Variants in THADA observed in about 807,000 individuals in gnomAD.
THADA encodes tRNA (32-2'-O)-methyltransferase regulator THADA.
A neutral mutation model predicts 219.8 loss-of-function variants in THADA; 213 were observed. The observed-to-expected ratio is 0.97, with a 90% CI of 0.87 to 1.09. The LOEUF is 1.09. THADA is among the 50% of genes least tolerant of loss of function. The pLI is 0.00. For synonymous variants in THADA, 1,018 were observed against 828.9 expected, an observed-to-expected ratio of 1.23 and a Z score of -3.92; for missense variants, 2,956 against 2,311.3, an observed-to-expected ratio of 1.28 and a Z score of -5.72.
chr2:43,357,964 A>G (rs979267554), intron 29 of THADA, among the ~76,000 whole-genome samples: 9 of 152,134 alleles, frequency 5.9e-5, no homozygotes, highest in Admixed American at 3.9e-4. Flanking sequence ...TAGTCAGTGT[A>G]CCTTTCACTC....
intron 26 of THADA, among the ~76,000 whole-genome samples, chr2:43,472,084 T>C (rs902160027): frequency 8.5e-5 from 13 of 152,142 alleles, no homozygotes; most frequent in South Asian, 2.1e-4. Flanking sequence ...TTAACAGGGA[T>C]TGGGGGAAGA....
chr2:43,409,038 T>TC (rs1406244730), intron 28 of THADA, among the ~76,000 whole-genome samples: 2 of 152,156 alleles, frequency 1.3e-5, no homozygotes, highest in Non-Finnish European at 2.9e-5. Flanking sequence ...CTACAACCAC[T>TC]CCAACTCCTT....
chr2:43,239,147 C>T (rs1297052239), intron 36 of THADA, among the ~76,000 whole-genome samples: 2 of 152,172 alleles, frequency 1.3e-5, no homozygotes, highest in East Asian at 3.8e-4. Context: ...AATCTGGTGC[C>T]TTCCATCCTT....
intron 13 of THADA, 123 bp from the exon 14 acceptor site, chr2:43,570,633 T>A: frequency 1.0e-6 from 1 of 992,416 alleles, no homozygotes; most frequent in Non-Finnish European, 1.4e-6. Flanking sequence ...AAGCTCTTAA[T>A]ATTTTATAAT....
At chr2:43,587,392 A>T (rs980897372) in intron 4 of THADA, among the ~76,000 whole-genome samples, 1 of 151,702 alleles carries the variant, frequency 6.6e-6, no homozygotes, top group African/African-American at 2.4e-5. Context: ...ATCTTTATTT[A>T]TTTTTTTTCT....
intron 36 of THADA, among the ~76,000 whole-genome samples, chr2:43,267,022 T>C (rs966204704): frequency 1.3e-5 from 2 of 152,202 alleles, no homozygotes; most frequent in Non-Finnish European, 2.9e-5. Context: ...GCTATCTTTC[T>C]AGTAAATTCT....
intron 22 of THADA, among the ~76,000 whole-genome samples, chr2:43,527,084 C>CA (rs1268293300): frequency 3.3e-5 from 5 of 151,874 alleles, no homozygotes; most frequent in African/African-American, 1.2e-4. Context: ...TTTTACCAGG[C>CA]ATGTGAAAAA....
intron 31 of THADA, among the ~76,000 whole-genome samples, chr2:43,303,679 G>C (rs1051334628): frequency 3.4e-5 from 5 of 145,614 alleles, no homozygotes; most frequent in Non-Finnish European, 7.4e-5. Flanking sequence ...TATGGATACA[G>C]TGAAGTTACA....
At chr2:43,574,230 T>C in intron 11 of THADA, 106 bp downstream of exon 11, 1 of 792,562 alleles carries the variant, frequency 1.3e-6, no homozygotes, top group Non-Finnish European at 1.9e-6. Flanking sequence ...TCCTTTACTA[T>C]TTATAGAAGT....
intron 31 of THADA, among the ~76,000 whole-genome samples, chr2:43,312,706 C>A (rs1321827939): frequency 1.4e-5 from 2 of 147,370 alleles, no homozygotes; most frequent in African/African-American, 5.0e-5. Flanking sequence ...AATTTATTGA[C>A]AACAAAGCCT....
intron 30 of THADA, among the ~76,000 whole-genome samples, chr2:43,334,138 C>G (rs1010390059): frequency 2.6e-5 from 4 of 152,196 alleles, no homozygotes; most frequent in Admixed American, 6.5e-5. Flanking sequence ...ATCCACAGGC[C>G]CTTCAGGAGC....
chr2:43,320,917 GA>G (rs200485877), intron 30 of THADA, among the ~76,000 whole-genome samples: 2,790 of 151,800 alleles, frequency 0.018, 24 homozygotes, highest in African/African-American at 0.025. Flanking sequence ...AAATTTGGGG[GA>G]AAAAAAATCA....
chr2:43,437,702 G>A (rs1412475785), intron 26 of THADA, among the ~76,000 whole-genome samples: 2 of 152,168 alleles, frequency 1.3e-5, no homozygotes, highest in African/African-American at 2.4e-5. Context: ...AGCACTGACT[G>A]CCTTTTGTTC....
rs146741525 is a variant in THADA, at chr2:43,528,049, A to G, written c.3265-61T>C. The stretch of plus-strand genomic sequence containing the variant: ...TGTTTACATTCGCAAGTGTATTTAT[A>G]TCAGTAACACTGTTTAGAACCCAGG... On this transcript the variant is annotated intron_variant, in intron 21 of 37. Coordinates refer to ENST00000405975, the MANE Select transcript of THADA (RefSeq NM_022065.5). 4.0e-6 allele frequency: 5 copies of G among 1,248,426 alleles called. No homozygotes were observed. The East Asian group carries it at 9.4e-5, about 24-fold the overall frequency. 77.3% of individuals were successfully genotyped at this position (1,248,426 alleles called of 1,614,324 possible). A position where few individuals can be genotyped will look rare whatever the true frequency, so the allele number is the denominator to read the frequency against.
At chr2:43,240,577 C>A (rs898564019) in intron 36 of THADA, among the ~76,000 whole-genome samples, 1 of 152,208 alleles carries the variant, frequency 6.6e-6, no homozygotes, top group African/African-American at 2.4e-5. Context: ...GCCATCAGAG[C>A]CCAGGCTCAG....
chr2:43,290,626 G>C (rs567456768), intron 34 of THADA, among the ~76,000 whole-genome samples: 6 of 152,066 alleles, frequency 3.9e-5, no homozygotes, highest in Non-Finnish European at 8.8e-5. Context: ...TTAGACTATA[G>C]CTCTAGTCTC....
At chr2:43,416,719 A>G (rs1383653842) in intron 28 of THADA, among the ~76,000 whole-genome samples, 1 of 152,204 alleles carries the variant, frequency 6.6e-6, no homozygotes, top group Non-Finnish European at 1.5e-5. Flanking sequence ...TAATTATGAA[A>G]AGAGGGCAGT....
At chr2:43,590,744 C>T in intron 4 of THADA, 80 bp downstream of exon 4, 1 of 1,478,580 alleles carries the variant, frequency 6.8e-7, no homozygotes, top group Non-Finnish European at 9.2e-7. Flanking sequence ...TCAGTTTTAT[C>T]AAACCAAGGA....
chr2:43,493,396 G>A (rs1403866270), intron 25 of THADA, among the ~76,000 whole-genome samples: 15 of 152,144 alleles, frequency 9.9e-5, no homozygotes, highest in Non-Finnish European at 1.5e-4. Flanking sequence ...TAGTGAGGCT[G>A]AGGCAGGAGA....
Sources: allele counts gnomAD v4.1 joint callset (sites outside exome capture counted in the v4.1 genomes callset), GRCh38; gene constraint gnomAD v4.1.1; transcripts MANE v1.5; gene names NCBI Gene and HGNC (gene_info 2026-07-23, HGNC 2026-07-21).